The following SPPL3 variants were observed in gnomAD, a reference collection of about 807,000 sequenced individuals.
SPPL3 encodes signal peptide peptidase-like 3.
SPPL3 carries 5 observed loss-of-function variants against 42.4 expected under a neutral mutation model. The ratio of observed to expected loss-of-function variants is 0.12; its 90% CI spans 0.06 to 0.25. The LOEUF (loss-of-function observed/expected upper bound fraction) is 0.25. Ranked by LOEUF, SPPL3 falls within the 10% of genes least tolerant of loss-of-function variation. The probability of loss-of-function intolerance (pLI) is 1.00; values close to 1 mark genes in which losing one functional copy is unlikely to be tolerated. For missense variants in SPPL3, 235 were observed against 489.0 expected, an observed-to-expected ratio of 0.48 and a Z score of 4.90; for synonymous variants, 195 against 181.8, an observed-to-expected ratio of 1.07 and a Z score of -0.58.
intron 1 of SPPL3, among the ~76,000 whole-genome samples, chr12:120,819,280 A>C (rs1870977182): frequency 6.6e-6 from 1 of 152,200 alleles, no homozygotes; most frequent in Non-Finnish European, 1.5e-5. Flanking sequence ...ACTTTGTGTG[A>C]ATCTTTTACC....
intron 9 of SPPL3, among the ~76,000 whole-genome samples, chr12:120,766,587 T>C (rs889004567): frequency 6.6e-6 from 1 of 152,222 alleles, no homozygotes; most frequent in African/African-American, 2.4e-5. Flanking sequence ...GACCCAAGTC[T>C]CACTCCTTGC....
chr12:120,806,724 C>G (rs867357869), intron 2 of SPPL3, among the ~76,000 whole-genome samples: 89 of 151,814 alleles, frequency 5.9e-4, no homozygotes, highest in African/African-American at 2.0e-3. Flanking sequence ...TGACGGGTGC[C>G]TAGTTCCAGC....
At chr12:120,900,309 GT>G (rs1873935373) in intron 1 of SPPL3, among the ~76,000 whole-genome samples, 2 of 150,922 alleles carry the variant, frequency 1.3e-5, no homozygotes, top group Admixed American at 1.3e-4. Context: ...GTGCAAATCT[GT>G]TTAAAAAAAA....
chr12:120,880,680 G>A (rs537530394), intron 1 of SPPL3, among the ~76,000 whole-genome samples: 15 of 151,938 alleles, frequency 9.9e-5, no homozygotes, highest in South Asian at 8.3e-4. Context: ...CCAGCTACTC[G>A]GGAGGCTGAG....
chr12:120,859,306 G>A (rs767554884), intron 1 of SPPL3, among the ~76,000 whole-genome samples: 1 of 152,062 alleles, frequency 6.6e-6, no homozygotes, highest in African/African-American at 2.4e-5. Flanking sequence ...AAAAAGTTCT[G>A]CATTTTGGAT....
rs887549785 is a variant in SPPL3 at position 120,840,051 on chromosome 12, C to T, written c.24-29165G>A. ...AACCAGACACTTTGGGAGGCCGAGG[C>T]GGGTGGATCACGAGGTCAGGAGTTC... On this transcript the variant is annotated intron_variant, in intron 1 of 10. Coordinates refer to ENST00000353487, the MANE Select transcript of SPPL3 (RefSeq NM_139015.5). 5.3e-5 allele frequency among the ~76,000 whole-genome samples: 8 copies of T among 151,864 alleles called. No homozygotes were observed. The East Asian group carries it at 1.4e-3, about 26-fold the overall frequency.
At chr12:120,865,937 C>T (rs2137045827) in intron 1 of SPPL3, among the ~76,000 whole-genome samples, 1 of 152,306 alleles carries the variant, frequency 6.6e-6, no homozygotes, top group South Asian at 2.1e-4. Context: ...GCATTAGATT[C>T]TCATAGGAGT....
chr12:120,830,926 T>G (rs1159197204), intron 1 of SPPL3, among the ~76,000 whole-genome samples: 2 of 152,126 alleles, frequency 1.3e-5, no homozygotes, highest in African/African-American at 4.8e-5. Context: ...GTTTGCTGCC[T>G]ATTTCTGTGT....
chr12:120,815,928 T>A (rs1870857961), intron 1 of SPPL3, among the ~76,000 whole-genome samples: 1 of 151,918 alleles, frequency 6.6e-6, no homozygotes, highest in African/African-American at 2.4e-5. Flanking sequence ...CAGGGTTTTG[T>A]CACGTTGCCC....
chr12:120,891,660 C>T (rs762799518), intron 1 of SPPL3, among the ~76,000 whole-genome samples: 5 of 150,216 alleles, frequency 3.3e-5, no homozygotes, highest in Non-Finnish European at 5.9e-5. Flanking sequence ...ACTCATATCT[C>T]GAGATGTTTC....
chr12:120,784,008 T>C (rs1374556862), intron 4 of SPPL3, among the ~76,000 whole-genome samples: 1 of 148,168 alleles, frequency 6.7e-6, no homozygotes, highest in African/African-American at 2.7e-5. Context: ...ACAAGTCTTG[T>C]AGCATTTTGC....
At chr12:120,903,729 CG>C in intron 1 of SPPL3, 115 bp downstream of exon 1, 5 of 595,018 alleles carry the variant, frequency 8.4e-6, no homozygotes, top group East Asian at 4.7e-5. Flanking sequence ...CACCCCAACC[CG>C]CGCCCCCCCC....
chr12:120,880,768 C>G (rs1248335764), intron 1 of SPPL3, among the ~76,000 whole-genome samples: 3 of 150,986 alleles, frequency 2.0e-5, no homozygotes, highest in Non-Finnish European at 4.4e-5. Flanking sequence ...GCCTGGGCGA[C>G]AGAGAGAGAC....
intron 1 of SPPL3, among the ~76,000 whole-genome samples, chr12:120,896,339 G>A (rs1873800879): frequency 6.6e-6 from 1 of 152,148 alleles, no homozygotes; most frequent in African/African-American, 2.4e-5. Context: ...TCATTGAGAG[G>A]ATCATTGGGA....
At chr12:120,903,557 C>T in intron 1 of SPPL3, 6 of 417,790 alleles carry the variant, frequency 1.4e-5, no homozygotes, top group Non-Finnish European at 2.6e-5. Flanking sequence ...ATTCCCACCC[C>T]CGGGGTCATG....
At chr12:120,856,897 G>T (rs920351692) in intron 1 of SPPL3, among the ~76,000 whole-genome samples, 3 of 152,162 alleles carry the variant, frequency 2.0e-5, no homozygotes, top group Non-Finnish European at 4.4e-5. Context: ...GCTGAACTAG[G>T]AATAGCAGTT....
In SPPL3 at chr12:120,763,732, C is replaced by G. The variant is rs1868756679; in HGVS notation, c.*1267G>C. On this transcript the variant is annotated 3_prime_UTR_variant, in exon 11 of 11. Coordinates refer to ENST00000353487, the MANE Select transcript of SPPL3 (RefSeq NM_139015.5). ...TCAGAGGGGCATTTGACATGTGTCCCCAACACCCGGTTGTCACCACAGGTA... is the reference window on the plus strand; with the variant it reads ...TCAGAGGGGCATTTGACATGTGTCCGCAACACCCGGTTGTCACCACAGGTA... The G allele has an allele frequency of 6.5e-6, 1 of 153,036 alleles. No homozygotes were observed. Among genetic ancestry groups the G allele is most frequent in the African/African-American group, 2.4e-5 (1 of 41,386 alleles). 9.5% of individuals were successfully genotyped at this position (153,036 alleles called of 1,614,324 possible). A position where few individuals can be genotyped will look rare whatever the true frequency, so the allele number is the denominator to read the frequency against.
At chr12:120,893,379 T>C (rs1322922828) in intron 1 of SPPL3, among the ~76,000 whole-genome samples, 3 of 152,118 alleles carry the variant, frequency 2.0e-5, no homozygotes, top group East Asian at 3.9e-4. Context: ...GAAAAAAATA[T>C]ATATTTTTTT....
At chr12:120,767,857 T>A (rs926648223) in intron 8 of SPPL3, among the ~76,000 whole-genome samples, 1 of 152,164 alleles carries the variant, frequency 6.6e-6, no homozygotes, top group Non-Finnish European at 1.5e-5. Flanking sequence ...AAGTGCTGCT[T>A]CCTCTAGAAA....
Sources: gnomAD v4.1 joint callset for allele counts (sites outside exome capture counted in the v4.1 genomes callset) on GRCh38, gnomAD v4.1.1 for gene constraint, MANE v1.5 for transcripts, NCBI Gene and HGNC (gene_info 2026-07-23, HGNC 2026-07-21) for gene names.